The following DMD variants were observed in gnomAD, a reference collection of about 807,000 sequenced individuals.
The protein encoded by DMD is mutant dystrophin.
In DMD, 63 loss-of-function variants were observed where a neutral mutation model predicts 330.1. That is an observed-to-expected ratio of 0.19 (90% CI 0.16 to 0.24). DMD has a LOEUF of 0.24. Among genes scored for constraint, DMD ranks in the 10% least tolerant of loss-of-function variants. The probability of loss-of-function intolerance (pLI) is 1.00; values close to 1 mark genes in which losing one functional copy is unlikely to be tolerated. For synonymous variants in DMD, 1,223 were observed against 959.8 expected, an observed-to-expected ratio of 1.27 and a Z score of -5.07; for missense variants, 3,344 against 2,684.1, an observed-to-expected ratio of 1.25 and a Z score of -5.43.
At chrX:32,293,266 A>G (rs1421707094) in intron 42 of DMD, among the ~76,000 whole-genome samples, 1 of 112,516 alleles carries the variant, frequency 8.9e-6, no homozygotes, top group Non-Finnish European at 1.9e-5. Flanking sequence ...GTGATGTTGA[A>G]TAAGACTAGG....
At chrX:32,213,835 G>A (rs1455780053) in intron 44 of DMD, among the ~76,000 whole-genome samples, 1 of 110,360 alleles carries the variant, frequency 9.1e-6, no homozygotes, top group African/African-American at 3.3e-5. Context: ...TTAGCCAGGT[G>A]TGGGGGTGGG....
At chrX:31,771,124 T>C (rs1186965122) in intron 51 of DMD, among the ~76,000 whole-genome samples, 2 of 111,458 alleles carry the variant, frequency 1.8e-5, no homozygotes, top group South Asian at 3.7e-4. Context: ...AAAATTGATA[T>C]TGATTTCCTG....
chrX:33,054,905 T>C (rs1486761800), intron 1 of DMD, among the ~76,000 whole-genome samples: 2 of 111,821 alleles, frequency 1.8e-5, no homozygotes, highest in East Asian at 5.6e-4. Flanking sequence ...TTTGATCTCA[T>C]ATATACTGAT....
Position 33,130,146 on chromosome X carries a change from T to C in DMD, c.31+81136A>G, listed in dbSNP as rs188867443. Among the ~76,000 whole-genome samples the C allele has an allele frequency of 7.1e-5, 8 of 111,905 alleles. No individual in the cohort carries two copies. In the East Asian group the frequency reaches 2.0e-3, roughly 28 times the overall value. ...TGAGGAGGAAAAAAGGAACCCTATATATGAGTTTCTGTAAAGAAATTAGCT... is the reference window on the plus strand; with the variant it reads ...TGAGGAGGAAAAAAGGAACCCTATACATGAGTTTCTGTAAAGAAATTAGCT... On this transcript the variant is annotated intron_variant, in intron 1 of 78. Transcript: ENST00000357033.
At chrX:32,946,917 A>G (rs2090858545) in intron 2 of DMD, among the ~76,000 whole-genome samples, 1 of 112,109 alleles carries the variant, frequency 8.9e-6, no homozygotes, top group Non-Finnish European at 1.9e-5. Context: ...GTAAGTTTTA[A>G]AGACTCTCGT....
chrX:32,143,849 C>A (rs1234673563), intron 44 of DMD, among the ~76,000 whole-genome samples: 1 of 110,385 alleles, frequency 9.1e-6, no homozygotes, highest in Non-Finnish European at 1.9e-5. Flanking sequence ...CGTGCCCGGC[C>A]ACAAATACAT....
intron 45 of DMD, among the ~76,000 whole-genome samples, chrX:31,966,303 T>A (rs1463204288): frequency 9.0e-6 from 1 of 110,956 alleles, no homozygotes; most frequent in Non-Finnish European, 1.9e-5. Flanking sequence ...TTTACTTGAT[T>A]TGCTACTGGA....
chrX:31,440,712 C>A (rs774822315), intron 60 of DMD, among the ~76,000 whole-genome samples: 1 of 112,144 alleles, frequency 8.9e-6, no homozygotes, highest in South Asian at 3.7e-4. Flanking sequence ...TTTCTAACTG[C>A]AAGGAGTGAT....
chrX:32,694,117 C>G (rs1030436004), intron 9 of DMD, among the ~76,000 whole-genome samples: 2 of 111,487 alleles, frequency 1.8e-5, no homozygotes, highest in Non-Finnish European at 3.8e-5. Flanking sequence ...TTCTGGATTC[C>G]AGAATGCCAC....
chrX:31,235,884 TTTAA>T (rs1421561601), intron 63 of DMD, among the ~76,000 whole-genome samples: 2 of 112,227 alleles, frequency 1.8e-5, no homozygotes, highest in Non-Finnish European at 3.8e-5. Flanking sequence ...ATCCGCTGTA[TTTAA>T]TTGTGGCAGA....
intron 1 of DMD, among the ~76,000 whole-genome samples, chrX:33,175,835 T>C (rs953030587): frequency 1.8e-5 from 2 of 112,015 alleles, no homozygotes; most frequent in African/African-American, 6.5e-5. Flanking sequence ...TAATAATAAG[T>C]AAAATGTATT....
intron 42 of DMD, among the ~76,000 whole-genome samples, chrX:32,305,104 T>C (rs755361164): frequency 9.8e-5 from 11 of 111,804 alleles, no homozygotes; most frequent in Admixed American, 1.9e-4. Flanking sequence ...TCTTTTATTT[T>C]CCTTCAGATA....
At position 32,365,038 on chromosome X, in the gene DMD, C is replaced by G. The variant is rs774454385; in HGVS notation, c.5007G>C (p.Glu1669Asp). The change falls in exon 35 of 79, where the codon GAG (glutamate) becomes GAC (aspartate). Residue 1669 changes from glutamate to aspartate, a missense_variant. Coordinates refer to ENST00000357033, the MANE Select transcript of DMD (RefSeq NM_004006.3). ...CTCTTACCAACAAAAGATTTAACCA[C>G]TCTTCTGCTCGGGAGGTGACAGCTA... ...NWIAVTSRAE[E>D]WLNLLLEYQK... 3.3e-6 allele frequency: 4 copies of G among 1,208,761 alleles called. No homozygotes were observed. In the African/African-American group the frequency reaches 5.3e-5, roughly 16 times the overall value.
chrX:32,196,986 C>CAAAA (rs71872245), intron 44 of DMD, among the ~76,000 whole-genome samples: 14,494 of 49,054 alleles, frequency 0.3, 2,445 homozygotes, highest in East Asian at 0.49. Context: ...GACTCCATCT[C>CAAAA]AAAAAAAAAA....
chrX:33,238,472 T>C (rs899140049), intron 1 of DMD, among the ~76,000 whole-genome samples: 4 of 111,544 alleles, frequency 3.6e-5, no homozygotes, highest in African/African-American at 1.3e-4. Context: ...GTGGATTCCT[T>C]ATACAGCACC....
At chrX:33,084,926 C>T (rs886758517) in intron 1 of DMD, among the ~76,000 whole-genome samples, 37 of 110,427 alleles carry the variant, frequency 3.4e-4, no homozygotes, top group Non-Finnish European at 6.4e-4. Context: ...GTTTCAAAAC[C>T]CTTATACTTT....
chrX:32,782,878 C>T (rs2074920808), intron 7 of DMD, among the ~76,000 whole-genome samples: 1 of 106,389 alleles, frequency 9.4e-6, no homozygotes, highest in African/African-American at 3.4e-5. Context: ...TACACACACA[C>T]GTATATATAT....
At chrX:32,079,419 A>G (rs1192508040) in intron 44 of DMD, among the ~76,000 whole-genome samples, 2 of 110,842 alleles carry the variant, frequency 1.8e-5, no homozygotes, top group Non-Finnish European at 3.8e-5. Flanking sequence ...ACATGGTCAA[A>G]CCCCATCTCT....
At position 31,898,950 on chromosome X, in the gene DMD, A is replaced by G. The variant is rs1361373222; in HGVS notation, c.6913-23577T>C. Among the ~76,000 whole-genome samples, 3 of 112,316 alleles carry G rather than the reference A, an allele frequency of 2.7e-5. No homozygotes were observed. In the Admixed American group the frequency reaches 2.8e-4, roughly 11 times the overall value. The stretch of plus-strand genomic sequence containing the variant: ...TTAGTTAATTAACTTAACCATTTTC[A>G]TTAGCAGACTCAGTATTGACTTTAG... On this transcript the variant is annotated intron_variant, in intron 47 of 78. Coordinates refer to ENST00000357033, the MANE Select transcript of DMD (RefSeq NM_004006.3).
Sources: gnomAD v4.1 joint callset for allele counts (sites outside exome capture counted in the v4.1 genomes callset) on GRCh38, gnomAD v4.1.1 for gene constraint, MANE v1.5 for transcripts, NCBI Gene and HGNC (gene_info 2026-07-23, HGNC 2026-07-21) for gene names.